The following PTPN13 variants were observed in gnomAD, a reference collection of about 807,000 sequenced individuals.
The protein encoded by PTPN13 is protein tyrosine phosphatase non-receptor type 13.
Under a neutral mutation model 284.0 loss-of-function variants are expected in PTPN13, and 191 were observed. The observed-to-expected ratio is 0.67, with a 90% confidence interval of 0.60 to 0.76. The LOEUF is 0.76. Ranked by LOEUF, PTPN13 falls within the 30% of genes least tolerant of loss-of-function variation. The probability of loss-of-function intolerance (pLI) is 0.00; values close to 1 mark genes in which losing one functional copy is unlikely to be tolerated. For missense variants in PTPN13, 2,797 were observed against 2,939.9 expected (o/e 0.95, Z 1.12); for synonymous variants, 986 against 1,022.3 (o/e 0.96, Z 0.68).
intron 40 of PTPN13, among the ~76,000 whole-genome samples, chr4:86,791,397 C>T (rs1381997573): frequency 6.6e-6 from 1 of 152,206 alleles, no homozygotes; most frequent in Non-Finnish European, 1.5e-5. Context: ...CCTACTGCCT[C>T]TCTAGATTCC....
At chr4:86,707,420 A>G (rs1394584187) in intron 7 of PTPN13, among the ~76,000 whole-genome samples, 2 of 152,040 alleles carry the variant, frequency 1.3e-5, no homozygotes, top group Non-Finnish European at 2.9e-5. Context: ...CACAGCTTAG[A>G]CTCTATGTTG....
At chr4:86,687,336 T>C (rs1729565265) in intron 4 of PTPN13, among the ~76,000 whole-genome samples, 3 of 152,216 alleles carry the variant, frequency 2.0e-5, no homozygotes, top group Admixed American at 2.0e-4. Context: ...TGTTTGCCAT[T>C]GGGCTGCTTC....
chr4:86,759,514 A>G (rs187880715), intron 23 of PTPN13, among the ~76,000 whole-genome samples: 1 of 152,338 alleles, frequency 6.6e-6, no homozygotes, highest in East Asian at 1.9e-4. Context: ...TTACTTAAAG[A>G]GTAGACAGTG....
chr4:86,790,515 G>A (rs1049194177), intron 40 of PTPN13, among the ~76,000 whole-genome samples: 3 of 152,100 alleles, frequency 2.0e-5, no homozygotes, highest in Non-Finnish European at 4.4e-5. Flanking sequence ...GGTCTGTGAA[G>A]TTTGTTTGTT....
At chr4:86,599,249 A>G (rs1764090200) in intron 1 of PTPN13, among the ~76,000 whole-genome samples, 1 of 152,134 alleles carries the variant, frequency 6.6e-6, no homozygotes, top group African/African-American at 2.4e-5. Flanking sequence ...ATGCAGCAAC[A>G]TTTTTTGTGT....
chr4:86,664,409 G>A (rs886825942), intron 2 of PTPN13, among the ~76,000 whole-genome samples: 4 of 152,122 alleles, frequency 2.6e-5, no homozygotes, highest in African/African-American at 7.2e-5. Context: ...ATTTTTGTGT[G>A]TGTGTGGTCA....
At chr4:86,807,942 T>G in intron 45 of PTPN13, 45 bp downstream of exon 45, 2 of 1,515,176 alleles carry the variant, frequency 1.3e-6, no homozygotes, top group Non-Finnish European at 1.8e-6. Context: ...TATCTCCTAG[T>G]TGTAATCCAA....
At chr4:86,629,682 G>T (rs28735881) in intron 1 of PTPN13, among the ~76,000 whole-genome samples, 32,591 of 152,020 alleles carry the variant, frequency 0.21, 3,725 homozygotes, top group East Asian at 0.29. Context: ...TGGCCTTCAA[G>T]ACCTTATTGT....
chr4:86,768,705 C>A (rs927227972), intron 28 of PTPN13, among the ~76,000 whole-genome samples: 3 of 150,304 alleles, frequency 2.0e-5, no homozygotes, highest in Non-Finnish European at 4.4e-5. Flanking sequence ...TTTATTTCTT[C>A]CATCTTTTTT....
At chr4:86,650,929 G>T (rs943536537) in intron 2 of PTPN13, among the ~76,000 whole-genome samples, 13 of 151,922 alleles carry the variant, frequency 8.6e-5, no homozygotes, top group African/African-American at 1.7e-4. Context: ...TTATCTAATT[G>T]CTCTGGCTAG....
intron 32 of PTPN13, 76 bp downstream of exon 32, chr4:86,773,034 G>A: frequency 9.0e-7 from 1 of 1,116,052 alleles, no homozygotes. Flanking sequence ...TTTCCCTTTA[G>A]GGAAAAAGCT....
chr4:86,790,021 T>C (rs10018751), intron 40 of PTPN13, among the ~76,000 whole-genome samples: 15,097 of 152,094 alleles, frequency 0.099, 859 homozygotes, highest in Non-Finnish European at 0.11. Flanking sequence ...ATATTTATAA[T>C]AGCACTTAAC....
intron 41 of PTPN13, among the ~76,000 whole-genome samples, chr4:86,798,131 T>TC (rs1310503453): frequency 2.6e-5 from 4 of 152,036 alleles, no homozygotes; most frequent in African/African-American, 9.7e-5. Context: ...AAACAAAAAG[T>TC]CAGAAGGAGC....
Position 86,811,144 on chromosome 4 carries a change from G to T in PTPN13, c.7362+36G>T. 4 of 1,564,700 alleles carry T rather than the reference G, an allele frequency of 2.6e-6. No homozygotes were observed. In the South Asian group the frequency reaches 3.5e-5, roughly 14 times the overall value. ...GCTGGGCCTCCTAATGAGAATTTTT[G>T]TAAAGATTCTAATATTTTTTAAGGT... On this transcript the variant is annotated intron_variant, in intron 47 of 47. Coordinates refer to ENST00000411767, the MANE Select transcript of PTPN13 (RefSeq NM_080683.3).
intron 2 of PTPN13, among the ~76,000 whole-genome samples, chr4:86,657,001 T>A (rs1406034629): frequency 6.6e-6 from 1 of 152,206 alleles, no homozygotes; most frequent in Non-Finnish European, 1.5e-5. Flanking sequence ...AGCGAGGCTC[T>A]GTGGGCGTGG....
In PTPN13 at chr4:86,767,818, T is replaced by C. The variant is rs952230650; in HGVS notation, c.4331T>C (p.Val1444Ala). 2.2e-5 allele frequency: 34 copies of C among 1,560,626 alleles called. No individual in the cohort carries two copies. Among genetic ancestry groups the C allele is most frequent in the Admixed American group, 5.9e-5 (3 of 51,184 alleles). The change falls in exon 28 of 48, where the codon GTG (valine) becomes GCG (alanine). Residue 1444 changes from valine to alanine, a missense_variant and splice_region_variant. Transcript: ENST00000411767. Reference sequence around the variant, plus strand: ...TGAAATGCTATTTTACTTATCCAGGTGGTTCATCTGTTATTAGAAAAGGGA... The same window carrying C: ...TGAAATGCTATTTTACTTATCCAGGCGGTTCATCTGTTATTAGAAAAGGGA... ...AVETLRNTGQ[V>A]VHLLLEKGQS...
intron 15 of PTPN13, among the ~76,000 whole-genome samples, chr4:86,737,887 C>G (rs1307354953): frequency 6.6e-6 from 1 of 152,076 alleles, no homozygotes; most frequent in African/African-American, 2.4e-5. Flanking sequence ...TGCCACCACG[C>G]CTGGCTAATT....
intron 4 of PTPN13, among the ~76,000 whole-genome samples, chr4:86,688,062 A>G (rs554114901): frequency 1.4e-4 from 21 of 152,314 alleles, no homozygotes; most frequent in South Asian, 6.2e-4. Flanking sequence ...AATAAATGCT[A>G]TGTTAGGGAA....
intron 1 of PTPN13, among the ~76,000 whole-genome samples, chr4:86,617,834 C>T (rs561024266): frequency 6.6e-6 from 1 of 152,144 alleles, no homozygotes; most frequent in East Asian, 1.9e-4. Context: ...AGCCCTTTGT[C>T]AGATGAGTAG....
Sources: gnomAD v4.1 joint callset for allele counts (sites outside exome capture counted in the v4.1 genomes callset) on GRCh38, gnomAD v4.1.1 for gene constraint, MANE v1.5 for transcripts, NCBI Gene and HGNC (gene_info 2026-07-23, HGNC 2026-07-21) for gene names.